TBX15: variants seen among roughly 807,000 people sequenced by gnomAD.
TBX15 encodes the protein T-box transcription factor 15, also known as T-box transcription factor TBX15.
A neutral mutation model predicts 53.9 loss-of-function variants in TBX15; 18 were observed. The ratio of observed to expected loss-of-function variants is 0.33; its 90% CI spans 0.23 to 0.49. The LOEUF is 0.49. TBX15 is among the 20% of genes least tolerant of loss of function. TBX15 has a pLI of 0.98. For missense variants in TBX15, 692 were observed against 749.5 expected (o/e 0.92, Z 0.90); for synonymous variants, 295 against 278.0 (o/e 1.06, Z -0.61).
intron 3 of TBX15, among the ~76,000 whole-genome samples, chr1:118,926,083 T>G (rs1461372523): frequency 6.6e-6 from 1 of 152,190 alleles, no homozygotes; most frequent in Non-Finnish European, 1.5e-5. Flanking sequence ...AGTTCTCTTG[T>G]TCTTCCTCTC....
At chr1:118,940,142 A>G (rs1030956020) in intron 1 of TBX15, among the ~76,000 whole-genome samples, 1 of 151,916 alleles carries the variant, frequency 6.6e-6, no homozygotes, top group African/African-American at 2.4e-5. Context: ...AGGCTGCTCA[A>G]TCAGAAGGTA....
At chr1:118,936,379 A>C (rs890911356) in intron 1 of TBX15, among the ~76,000 whole-genome samples, 1 of 152,168 alleles carries the variant, frequency 6.6e-6, no homozygotes, top group Non-Finnish European at 1.5e-5. Context: ...TGGCATCTCC[A>C]CTTAACAGTT....
chr1:118,964,634 G>A (rs1430394429), intron 1 of TBX15, among the ~76,000 whole-genome samples: 1 of 152,222 alleles, frequency 6.6e-6, no homozygotes, highest in African/African-American at 2.4e-5. Context: ...CATATTGTAA[G>A]TGTTCAATAA....
At chr1:118,989,039 C>T (rs1219223537), upstream of TBX15, among the ~76,000 whole-genome samples, 1 of 152,230 alleles carries the variant, frequency 6.6e-6, no homozygotes, top group African/African-American at 2.4e-5. Flanking sequence ...CGTATTCCAG[C>T]TGGGCCCCCT....
chr1:118,929,482 G>C (rs1655711506), intron 2 of TBX15, among the ~76,000 whole-genome samples: 1 of 152,180 alleles, frequency 6.6e-6, no homozygotes, highest in Non-Finnish European at 1.5e-5. Flanking sequence ...AGTTGTTTCA[G>C]AATTACCTGA....
intron 5 of TBX15, among the ~76,000 whole-genome samples, chr1:118,922,635 C>T (rs1187274791): frequency 6.6e-6 from 1 of 152,126 alleles, no homozygotes; most frequent in Non-Finnish European, 1.5e-5. Context: ...GTATCCTGCT[C>T]CCACTTCAGC....
At chr1:118,974,194 G>A (rs190480310) in intron 1 of TBX15, among the ~76,000 whole-genome samples, 5 of 152,258 alleles carry the variant, frequency 3.3e-5, no homozygotes, top group Admixed American at 3.3e-4. Flanking sequence ...GGGTTCCTTA[G>A]GAAAGGAAAT....
intron 6 of TBX15, among the ~76,000 whole-genome samples, chr1:118,900,432 T>C (rs923165288): frequency 1.3e-5 from 2 of 152,178 alleles, no homozygotes; most frequent in Non-Finnish European, 2.9e-5. Context: ...TACCCTGAGG[T>C]TCTTCTCAGA....
intron 6 of TBX15, among the ~76,000 whole-genome samples, chr1:118,908,878 C>T (rs540054244): frequency 6.6e-6 from 1 of 151,598 alleles, no homozygotes; most frequent in South Asian, 2.1e-4. Flanking sequence ...GACACACACT[C>T]ACACATATAC....
intron 7 of TBX15, among the ~76,000 whole-genome samples, chr1:118,897,795 C>T (rs1380662238): frequency 6.6e-6 from 1 of 152,142 alleles, no homozygotes; most frequent in East Asian, 1.9e-4. Flanking sequence ...TGCTTCTAAT[C>T]ACAGCTTTGT....
At chr1:118,914,274 A>G (rs1304718499) in intron 5 of TBX15, 95 bp from the exon 6 acceptor site, 2 of 1,148,118 alleles carry the variant, frequency 1.7e-6, no homozygotes, top group South Asian at 1.3e-5. Context: ...TTTTAATAAC[A>G]GTTGTTGCTT....
chr1:118,957,170 A>G (rs1263786983), intron 1 of TBX15, among the ~76,000 whole-genome samples: 5 of 152,218 alleles, frequency 3.3e-5, no homozygotes, highest in African/African-American at 7.2e-5. Flanking sequence ...AATTCAAACT[A>G]TTGTTGAACA....
chr1:118,979,515 C>T (rs1250526291), intron 1 of TBX15, among the ~76,000 whole-genome samples: 5 of 152,140 alleles, frequency 3.3e-5, no homozygotes, highest in Non-Finnish European at 7.3e-5. Context: ...TTTGATTCCT[C>T]GGAAATTTGT....
intron 1 of TBX15, among the ~76,000 whole-genome samples, chr1:118,985,701 T>C (rs1375097521): frequency 6.6e-6 from 1 of 152,196 alleles, no homozygotes; most frequent in African/African-American, 2.4e-5. Flanking sequence ...AATACCCATC[T>C]TTTTCTTTTT....
At chr1:118,969,840 G>A (rs188379159) in intron 1 of TBX15, among the ~76,000 whole-genome samples, 9 of 152,322 alleles carry the variant, frequency 5.9e-5, no homozygotes, top group African/African-American at 2.2e-4. Context: ...TGGAGCTCAA[G>A]GCATCCATTC....
At chr1:118,899,664 G>A (rs1654556079) in intron 6 of TBX15, among the ~76,000 whole-genome samples, 1 of 152,170 alleles carries the variant, frequency 6.6e-6, no homozygotes, top group Non-Finnish European at 1.5e-5. Context: ...GGTAAGCAGT[G>A]AAATAGACTT....
At chr1:118,922,925 AT>A (rs1249265104) in intron 5 of TBX15, among the ~76,000 whole-genome samples, 2 of 77,690 alleles carry the variant, frequency 2.6e-5, no homozygotes, top group African/African-American at 8.4e-5. Flanking sequence ...CACTGCCTTC[AT>A]CAGAAACTAT....
chr1:118,982,314 C>T (rs1057133807), intron 1 of TBX15, among the ~76,000 whole-genome samples: 1 of 152,182 alleles, frequency 6.6e-6, no homozygotes, highest in African/African-American at 2.4e-5. Flanking sequence ...AAAGTTCTAC[C>T]AGAGTCTATA....
chr1:118,912,557 G>C (rs1655058525), intron 6 of TBX15, among the ~76,000 whole-genome samples: 1 of 151,912 alleles, frequency 6.6e-6, no homozygotes, highest in Non-Finnish European at 1.5e-5. Flanking sequence ...TTTACAAAAG[G>C]CTAGCTTCAT....
Sources: gnomAD v4.1 joint callset for allele counts (sites outside exome capture counted in the v4.1 genomes callset) on GRCh38, gnomAD v4.1.1 for gene constraint, MANE v1.5 for transcripts, NCBI Gene and HGNC (gene_info 2026-07-23, HGNC 2026-07-21) for gene names.